The following STRN variants were observed in gnomAD, a reference collection of about 807,000 sequenced individuals.
STRN encodes the protein protein phosphatase 2 regulatory subunit B'''alpha.
A neutral mutation model predicts 96.3 loss-of-function variants in STRN; 53 were observed. The ratio of observed to expected loss-of-function variants is 0.55; its 90% CI spans 0.44 to 0.69. The LOEUF (loss-of-function observed/expected upper bound fraction) is 0.69, where lower values mean the gene tolerates loss of function less well. Among genes scored for constraint, STRN ranks in the 30% least tolerant of loss-of-function variants. The pLI is 0.00. For missense variants in STRN, 987 were observed against 963.9 expected (o/e 1.02, Z -0.32); for synonymous variants, 428 against 355.9 (o/e 1.20, Z -2.28).
rs921590558 is a variant in STRN, at chr2:36,840,838, C to G, written c.*8618G>C. 2.0e-5 allele frequency: 3 copies of G among 152,098 alleles called. No individual in the cohort carries two copies. Among genetic ancestry groups the G allele is most frequent in the Admixed American group, 2.0e-4 (3 of 15,276 alleles). The allele number at this position is 152,098 out of a possible 1,614,324, so 9.4% of individuals were successfully genotyped here. ...GATATTCAGAAAAAAAATCTCATTA[C>G]CTGCTCCTCATGCCTCAAAAAAAAT... On this transcript the variant is annotated 3_prime_UTR_variant, in exon 18 of 18. Transcript: ENST00000263918.
At chr2:36,855,561 A>C (rs1056796367) in intron 14 of STRN, among the ~76,000 whole-genome samples, 2 of 152,186 alleles carry the variant, frequency 1.3e-5, no homozygotes, top group African/African-American at 4.8e-5. Context: ...CCTGCTTAGC[A>C]GATCTTCTAC....
intron 9 of STRN, among the ~76,000 whole-genome samples, chr2:36,879,882 T>C (rs1572643413): frequency 6.6e-6 from 1 of 151,678 alleles, no homozygotes; most frequent in East Asian, 1.9e-4. Flanking sequence ...GTAATCTTAG[T>C]GTTTTGGGAT....
rs1438253354 is a variant in STRN at position 36,842,860 on chromosome 2, G to T, written c.*6596C>A. 2.6e-5 allele frequency among the ~76,000 whole-genome samples: 4 copies of T among 152,154 alleles called. No homozygotes were observed. The highest frequency in any genetic ancestry group is 9.7e-5 in the African/African-American group (4 of 41,446). On this transcript the variant is annotated 3_prime_UTR_variant, in exon 18 of 18. Transcript: ENST00000263918. ...GTTCTGGTCATCCTGAGAAGTAACA[G>T]GCGGAGGGATGCTCCATGATTATAA... is the stretch of plus-strand genomic sequence containing the variant.
At position 36,847,687 on chromosome 2, in the gene STRN, T is replaced by G. The variant is rs1668113453; in HGVS notation, c.*1769A>C. 1 of 152,128 alleles carries G rather than the reference T, an allele frequency of 6.6e-6. No homozygotes were observed. Among genetic ancestry groups the G allele is most frequent in the Admixed American group, 6.6e-5 (1 of 15,242 alleles). 9.4% of individuals were successfully genotyped at this position (152,128 alleles called of 1,614,324 possible). On this transcript the variant is annotated 3_prime_UTR_variant, in exon 18 of 18. Coordinates refer to ENST00000263918, the MANE Select transcript of STRN (RefSeq NM_003162.4). ...CAAATTTAGCACAAGTCTCTAGCTTTAAAGAAAATTTGCCTGTATAATGCA... is the reference window on the plus strand; with the variant it reads ...CAAATTTAGCACAAGTCTCTAGCTTGAAAGAAAATTTGCCTGTATAATGCA...
In STRN at chr2:36,848,976, G is replaced by GGGGTTAATAT. The variant is rs1668150141; in HGVS notation, c.*470_*479dup. On this transcript the variant is annotated 3_prime_UTR_variant, in exon 18 of 18. Coordinates refer to ENST00000263918, the MANE Select transcript of STRN (RefSeq NM_003162.4). ...ACACTGCCTGGTCATTATACACAAA[G>GGGGTTAATAT]GGGTTAATATGGCAGATATGATAAA... is the stretch of plus-strand genomic sequence containing the variant. 6.4e-6 allele frequency: 1 copy of GGGGTTAATAT among 155,574 alleles called. No homozygotes were observed. The highest frequency in any genetic ancestry group is 1.4e-5 in the Non-Finnish European group (1 of 69,928). 9.6% of individuals were successfully genotyped at this position (155,574 alleles called of 1,614,324 possible).
Position 36,966,334 on chromosome 2 carries a change from G to C in STRN, c.130C>G (p.Arg44Gly). The C allele has an allele frequency of 2.7e-6, 4 of 1,481,098 alleles. No individual in the cohort carries two copies. Among genetic ancestry groups the C allele is most frequent in the Non-Finnish European group, 3.6e-6 (4 of 1,117,002 alleles). The allele number at this position is 1,481,098 out of a possible 1,614,324, so 91.7% of individuals were successfully genotyped here. A position where few individuals can be genotyped will look rare whatever the true frequency, so the allele number is the denominator to read the frequency against. The change falls in exon 1 of 18, where the codon CGA (arginine) becomes GGA (glycine). Residue 44 changes from arginine (R) to glycine (G), a missense_variant. Physicochemically the swap from Arg to Gly is moderately radical, Grantham distance 125 (BLOSUM62 -2). Transcript: ENST00000263918. ...GDGAAAAGAA[R>G]AQYSLPGILH... Reference sequence around the variant, plus strand: ...ATCCCCGGGAGACTGTACTGGGCTCGGGCCGCCCCCGCCGCAGCCGCCCCG... The same window carrying C: ...ATCCCCGGGAGACTGTACTGGGCTCCGGCCGCCCCCGCCGCAGCCGCCCCG...
intron 1 of STRN, among the ~76,000 whole-genome samples, chr2:36,928,133 T>TAA (rs201249972): frequency 6.6e-6 from 1 of 150,494 alleles, no homozygotes; most frequent in Admixed American, 6.6e-5. Flanking sequence ...CATTCCTACA[T>TAA]AAAAAAAAAC....
intron 10 of STRN, among the ~76,000 whole-genome samples, chr2:36,876,578 C>T (rs1668918365): frequency 6.6e-6 from 1 of 152,238 alleles, no homozygotes; most frequent in East Asian, 1.9e-4. Flanking sequence ...ATCCATCCTA[C>T]ATCCCCTGCA....
intron 12 of STRN, among the ~76,000 whole-genome samples, chr2:36,861,517 A>T (rs1029437835): frequency 6.6e-6 from 1 of 152,188 alleles, no homozygotes; most frequent in Non-Finnish European, 1.5e-5. Flanking sequence ...ACATTTTTAA[A>T]GGGTTATAAA....
At chr2:36,913,579 A>G (rs891956854) in intron 3 of STRN, among the ~76,000 whole-genome samples, 1 of 152,146 alleles carries the variant, frequency 6.6e-6, no homozygotes, top group Admixed American at 6.5e-5. Flanking sequence ...TATCCATTAT[A>G]CATGTCATAT....
rs767291280 is a variant in STRN at position 36,894,048 on chromosome 2, T to G, written c.796-15A>C. On this transcript the variant is annotated splice_polypyrimidine_tract_variant and intron_variant, in intron 6 of 17. Transcript: ENST00000263918. ...TTCCTAACAATCTAATGAAAAAACA[T>G]GCTAAATTAAATAAAGGAGATAGTT... The G allele has an allele frequency of 1.2e-5, 19 of 1,604,782 alleles. No individual in the cohort carries two copies. Among genetic ancestry groups the G allele is most frequent in the African/African-American group, 5.4e-5 (4 of 74,284 alleles).
chr2:36,843,768 T>C lies in STRN; in HGVS notation c.*5688A>G, dbSNP rs1668000907. ...AGCTAGATCCCAAATCTGACAAATA[T>C]TCCAATTCATGAGACACCTATAGCA... On this transcript the variant is annotated 3_prime_UTR_variant, in exon 18 of 18. Coordinates refer to ENST00000263918, the MANE Select transcript of STRN (RefSeq NM_003162.4). 6.6e-6 allele frequency: 1 copy of C among 152,196 alleles called. No individual in the cohort carries two copies. The highest frequency in any genetic ancestry group is 2.4e-5 in the African/African-American group (1 of 41,444). 9.4% of individuals were successfully genotyped at this position (152,196 alleles called of 1,614,324 possible).
chr2:36,954,908 G>T (rs778095873), intron 1 of STRN, among the ~76,000 whole-genome samples: 2 of 152,094 alleles, frequency 1.3e-5, no homozygotes, highest in Non-Finnish European at 2.9e-5. Flanking sequence ...CAAAGTGCTA[G>T]GATTAAAGGC....
intron 7 of STRN, 59 bp from the exon 8 acceptor site, chr2:36,886,885 T>A: frequency 2.2e-6 from 3 of 1,361,440 alleles, no homozygotes; most frequent in Non-Finnish European, 3.0e-6. Context: ...ACACTCTGAG[T>A]CAGTATGTCT....
chr2:36,906,413 C>G (rs1251647992), intron 3 of STRN, among the ~76,000 whole-genome samples: 3 of 151,928 alleles, frequency 2.0e-5, no homozygotes, highest in African/African-American at 7.3e-5. Context: ...GAGCTGTGAT[C>G]GTGCCACTGT....
chr2:36,875,290 G>C (rs1668874273), intron 10 of STRN, among the ~76,000 whole-genome samples: 1 of 152,076 alleles, frequency 6.6e-6, no homozygotes, highest in Non-Finnish European at 1.5e-5. Flanking sequence ...TGGGCAGACT[G>C]CTTGAGCCCA....
intron 3 of STRN, among the ~76,000 whole-genome samples, chr2:36,906,178 T>C (rs953400672): frequency 1.3e-5 from 2 of 152,042 alleles, no homozygotes; most frequent in Non-Finnish European, 2.9e-5. Context: ...TAAAAATAAA[T>C]AATAACTGGG....
rs1668168506 is a variant in STRN at position 36,849,594 on chromosome 2, T to C, written c.2205A>G (p.Leu735=). 3 of 1,614,014 alleles carry C rather than the reference T, an allele frequency of 1.9e-6. No homozygotes were observed. Among genetic ancestry groups the C allele is most frequent in the African/African-American group, 1.3e-5 (1 of 74,900 alleles). ...ATTCTTGGATACACGTCTTACTTTC[T>C]AGATTCCATAAACGTATTGAACAGT... ...SHDCSIRLWN[L]ESKTCIQEFT... is the part of the protein sequence containing the mutation. Residue 735 remains leucine, a synonymous_variant, in exon 18 of 18, where the codon CTA becomes CTG. Transcript: ENST00000263918.
intron 10 of STRN, among the ~76,000 whole-genome samples, chr2:36,872,311 T>G (rs533745433): frequency 1.5e-4 from 23 of 152,288 alleles, no homozygotes; most frequent in Middle Eastern, 3.4e-3. Context: ...ACCTATGTGG[T>G]AAGGAACTAA....
Sources: allele counts gnomAD v4.1 joint callset (sites outside exome capture counted in the v4.1 genomes callset), GRCh38; gene constraint gnomAD v4.1.1; transcripts MANE v1.5; gene names NCBI Gene and HGNC (gene_info 2026-07-23, HGNC 2026-07-21).